The following RXFP2 variants were observed in gnomAD, a reference collection of about 807,000 sequenced individuals.
The protein encoded by RXFP2 is relaxin receptor 2.
A neutral mutation model predicts 88.6 loss-of-function variants in RXFP2; 68 were observed. The observed-to-expected ratio is 0.77, with a 90% CI of 0.63 to 0.94. The LOEUF is 0.94. RXFP2 is among the 40% of genes least tolerant of loss of function. RXFP2 has a pLI of 0.00. For missense variants in RXFP2, 791 were observed against 893.9 expected, an observed-to-expected ratio of 0.88 and a Z score of 1.47; for synonymous variants, 329 against 306.8, an observed-to-expected ratio of 1.07 and a Z score of -0.76.
At chr13:31,784,587 G>GTCTCCCTTCTGGGCTGAGA in intron 11 of RXFP2, among the ~76,000 whole-genome samples, 1 of 152,158 alleles carries the variant, frequency 6.6e-6, no homozygotes, top group South Asian at 2.1e-4. Context: ...TGCACCTGTG[G>GTCTCCCTTCTGGGCTGAGA]TCTCCCTTCT....
At chr13:31,740,601 A>G (rs2138375202) in intron 1 of RXFP2, among the ~76,000 whole-genome samples, 1 of 152,122 alleles carries the variant, frequency 6.6e-6, no homozygotes, top group East Asian at 1.9e-4. Context: ...GAATATTTTA[A>G]ATCTTGAAAT....
intron 13 of RXFP2, 47 bp from the exon 14 acceptor site, chr13:31,789,073 TAA>T (rs143282195): frequency 0.028 from 31,656 of 1,140,274 alleles, 638 homozygotes; most frequent in South Asian, 0.068. Context: ...ATGCAATTAT[TAA>T]AACGTTTCAT....
intron 1 of RXFP2, among the ~76,000 whole-genome samples, chr13:31,744,985 A>G (rs144239157): frequency 6.6e-6 from 1 of 152,246 alleles, no homozygotes; most frequent in East Asian, 1.9e-4. Context: ...CCTGGCCAAC[A>G]TGGTGAAACC....
chr13:31,765,848 A>G (rs931547218), intron 4 of RXFP2, 108 bp from the exon 5 acceptor site: 2 of 681,386 alleles, frequency 2.9e-6, no homozygotes, highest in Non-Finnish European at 5.4e-6. Context: ...AATATGGATT[A>G]GTATAATGAA....
chr13:31,771,851 G>A (rs1872747030), intron 5 of RXFP2, among the ~76,000 whole-genome samples: 1 of 151,704 alleles, frequency 6.6e-6, no homozygotes, highest in Admixed American at 6.6e-5. Flanking sequence ...AAACCGTGGG[G>A]ACTGTTGTCC....
chr13:31,802,275 A>G lies in RXFP2; in HGVS notation c.2135A>G (p.Lys712Arg), dbSNP rs1226396403. 6.2e-7 allele frequency: 1 copy of G among 1,613,860 alleles called. No homozygotes were observed. Among genetic ancestry groups the G allele is most frequent in the East Asian group, 2.2e-5 (1 of 44,884 alleles). The change falls in exon 18 of 18, where the codon AAA (lysine) becomes AGA (arginine). Residue 712 changes from lysine to arginine, a missense_variant. Coordinates refer to ENST00000298386, the MANE Select transcript of RXFP2 (RefSeq NM_130806.5). ...LKQLLHKHQR[K>R]SIFKIKKKSL... ...CAGCTGCTGCACAAACATCAGAGGA[A>G]ATCAATTTTCAAAATTAAAAAAAAA...
intron 1 of RXFP2, among the ~76,000 whole-genome samples, chr13:31,742,528 G>C (rs1406793654): frequency 6.6e-6 from 1 of 152,174 alleles, no homozygotes; most frequent in Admixed American, 6.5e-5. Context: ...AAAAGATTGG[G>C]AACATGGGAG....
At position 31,774,690 on chromosome 13, in the gene RXFP2, T is replaced by C. The variant is rs1566227049; in HGVS notation, c.568T>C (p.Leu190=). The change falls in exon 6 of 18, where the codon TTA becomes CTA. Residue 190 remains leucine (L), a splice_region_variant and synonymous_variant. Transcript: ENST00000298386. ...AFFGLCNLQI[L]YLNHNCITTL... is the part of the protein sequence containing the mutation. ...TTTTGGATTATGTAATCTGCAAATA[T>C]TGTGAGTAACCTCTTTCTCATATTG... The C allele has an allele frequency of 1.4e-6, 2 of 1,430,884 alleles. No homozygotes were observed. Among genetic ancestry groups the C allele is most frequent in the Non-Finnish European group, 9.9e-7 (1 of 1,013,130 alleles). 88.6% of individuals were successfully genotyped at this position (1,430,884 alleles called of 1,614,324 possible).
chr13:31,792,616 T>C lies in RXFP2; in HGVS notation c.1376-62T>C, dbSNP rs1873847604. 4.0e-6 allele frequency: 6 copies of C among 1,492,454 alleles called. No homozygotes were observed. In the East Asian group the frequency reaches 1.4e-4, roughly 34 times the overall value. 92.5% of individuals were successfully genotyped at this position (1,492,454 alleles called of 1,614,324 possible). ...ATTAAAATGCTGGAAATAGACTTAA[T>C]CAGAAAACTAAAACAGGGACATTGG... On this transcript the variant is annotated intron_variant, in intron 15 of 17. Coordinates refer to ENST00000298386, the MANE Select transcript of RXFP2 (RefSeq NM_130806.5).
At chr13:31,765,392 CT>C (rs1872507334) in intron 4 of RXFP2, among the ~76,000 whole-genome samples, 2 of 151,452 alleles carry the variant, frequency 1.3e-5, no homozygotes, top group African/African-American at 4.9e-5. Context: ...CAATTGCTTT[CT>C]GATTTATGTA....
intron 7 of RXFP2, among the ~76,000 whole-genome samples, chr13:31,776,130 C>CTTTT (rs1180932408): frequency 7.1e-6 from 1 of 141,148 alleles, no homozygotes; most frequent in Non-Finnish European, 1.5e-5. Flanking sequence ...TTCTTTCTTT[C>CTTTT]TTTCTTTCTT....
At chr13:31,782,489 C>A (rs559809549) in intron 10 of RXFP2, among the ~76,000 whole-genome samples, 187 bp from the exon 11 acceptor site, 1 of 152,284 alleles carries the variant, frequency 6.6e-6, no homozygotes, top group South Asian at 2.1e-4. Context: ...GACAGCACTT[C>A]CTGAAGAGAA....
intron 7 of RXFP2, among the ~76,000 whole-genome samples, chr13:31,776,784 A>G (rs1450319906): frequency 6.6e-6 from 1 of 152,140 alleles, no homozygotes; most frequent in Non-Finnish European, 1.5e-5. Context: ...AGGCAACAAG[A>G]GGAATAGAGG....
intron 1 of RXFP2, among the ~76,000 whole-genome samples, chr13:31,755,450 G>A (rs571916964): frequency 6.6e-6 from 1 of 152,066 alleles, no homozygotes; most frequent in East Asian, 1.9e-4. Context: ...AGTGAGTGTG[G>A]GGGTGTAGGT....
Position 31,791,787 on chromosome 13 carries a change from T to G in RXFP2, c.1146-19T>G, listed in dbSNP as rs778567889. On this transcript the variant is annotated intron_variant, in intron 14 of 17. Transcript: ENST00000298386. ...GTATCATTGCTGCAAAGTGACACTT[T>G]TTTTCCCTTTGACTTTAGTTATTTC... is the stretch of plus-strand genomic sequence containing the variant. The G allele has an allele frequency of 1.3e-6, 2 of 1,568,086 alleles. No homozygotes were observed. The highest frequency in any genetic ancestry group is 2.2e-5 in the South Asian group (2 of 90,162).
intron 15 of RXFP2, among the ~76,000 whole-genome samples, chr13:31,792,476 A>G (rs887669794): frequency 6.6e-6 from 1 of 152,210 alleles, no homozygotes; most frequent in Non-Finnish European, 1.5e-5. Context: ...AAATAAAAAC[A>G]TAGTGTAGTA....
intron 13 of RXFP2, among the ~76,000 whole-genome samples, chr13:31,787,425 A>C (rs1873593516): frequency 6.6e-6 from 1 of 152,242 alleles, no homozygotes; most frequent in Non-Finnish European, 1.5e-5. Flanking sequence ...AAGAAGCCAT[A>C]ATATTAAACA....
rs1267946264 is a variant in RXFP2, at chr13:31,793,096, A to C, written c.1786+8A>C. ...CTCTTGGAATTTTCCTAGGTAAATT[A>C]TATTTTTTCATTTCCTGGAAAAACA... On this transcript the variant is annotated splice_region_variant and intron_variant, in intron 16 of 17. Coordinates refer to ENST00000298386, the MANE Select transcript of RXFP2 (RefSeq NM_130806.5). 3 of 1,597,906 alleles carry C rather than the reference A, an allele frequency of 1.9e-6. No individual in the cohort carries two copies. The highest frequency in any genetic ancestry group is 1.7e-4 in the Middle Eastern group (1 of 5,936).
chr13:31,789,774 T>G (rs1326787189), intron 14 of RXFP2, among the ~76,000 whole-genome samples: 1 of 152,234 alleles, frequency 6.6e-6, no homozygotes, highest in Non-Finnish European at 1.5e-5. Flanking sequence ...TTAACCATTG[T>G]TATCTACAAA....
Sources: allele counts gnomAD v4.1 joint callset (sites outside exome capture counted in the v4.1 genomes callset), GRCh38; gene constraint gnomAD v4.1.1; transcripts MANE v1.5; gene names NCBI Gene and HGNC (gene_info 2026-07-23, HGNC 2026-07-21).